The following OLAH variants were observed in gnomAD, a reference collection of about 807,000 sequenced individuals.
OLAH encodes oleoyl-ACP hydrolase.
In OLAH, 33 loss-of-function variants were observed where a neutral mutation model predicts 27.8. The observed-to-expected ratio is 1.19, with a 90% CI of 0.90 to 1.59. OLAH has a LOEUF of 1.59. Ranked by LOEUF, OLAH falls within the 40% of genes most tolerant of loss-of-function variation. OLAH has a pLI of 0.00. For synonymous variants in OLAH, 120 were observed against 102.9 expected (o/e 1.17, Z -1.01); for missense variants, 359 against 310.8 (o/e 1.16, Z -1.17).
intron 4 of OLAH, among the ~76,000 whole-genome samples, chr10:15,064,175 T>C (rs1844421442): frequency 6.6e-6 from 1 of 152,222 alleles, no homozygotes; most frequent in South Asian, 2.1e-4. Flanking sequence ...TTGAAGACAC[T>C]GTGCAAATCA....
intron 3 of OLAH, among the ~76,000 whole-genome samples, chr10:15,059,951 T>A (rs1183364374): frequency 6.6e-6 from 1 of 152,226 alleles, no homozygotes; most frequent in Non-Finnish European, 1.5e-5. Context: ...TCATTGTTTA[T>A]TCTGTTTGAG....
intron 3 of OLAH, chr10:15,056,973 AT>A (rs962719553): frequency 3.6e-5 from 51 of 1,426,786 alleles, no homozygotes; most frequent in Admixed American, 1.1e-4. Flanking sequence ...CTGGATTCTA[AT>A]TTTTTTTAGT....
upstream of OLAH, among the ~76,000 whole-genome samples, chr10:15,041,137 T>G (rs1219605939): frequency 6.6e-6 from 1 of 152,218 alleles, no homozygotes; most frequent in East Asian, 1.9e-4. Flanking sequence ...ACTGTGCTTT[T>G]CCCACAGGCA....
rs1038265199 is a variant in OLAH at position 15,059,991 on chromosome 10, T to A, written c.164-1733T>A. Among the ~76,000 whole-genome samples, 6 of 152,268 alleles carry A rather than the reference T, an allele frequency of 3.9e-5. 1 individual carries two copies. In the East Asian group the frequency reaches 5.8e-4, roughly 15 times the overall value. On this transcript the variant is annotated intron_variant, in intron 3 of 7. Coordinates refer to ENST00000378228, the MANE Select transcript of OLAH (RefSeq NM_001039702.3). ...CTTGAACTTCTTGGATCTACGACTT[T>A]GTAAGTTTCAAATTTTGACATATTC...
chr10:15,032,213 A>G (rs1001477569), upstream of OLAH: 4 of 152,296 alleles, frequency 2.6e-5, no homozygotes, highest in Middle Eastern at 3.4e-3. Context: ...CTAGCCTCCC[A>G]GACTCCATCT....
At chr10:15,033,063 G>T (rs1467760130) in intron 1 of OLAH, among the ~76,000 whole-genome samples, 2 of 150,688 alleles carry the variant, frequency 1.3e-5, no homozygotes, top group Non-Finnish European at 2.9e-5. Context: ...TTAAAGTAGA[G>T]ATGGGGTTTC....
chr10:15,047,145 G>A lies in OLAH; in HGVS notation c.-144G>A. Reference sequence around the variant, plus strand: ...TAACAGGGATTGGAGAGGTCAATAAGAGTCAGCGCCTTTAAAAAGAAATCT... The same window carrying A: ...TAACAGGGATTGGAGAGGTCAATAAAAGTCAGCGCCTTTAAAAAGAAATCT... On this transcript the variant is annotated 5_prime_UTR_variant, in exon 2 of 8. Transcript: ENST00000378228. The A allele has an allele frequency of 1.6e-6, 1 of 641,864 alleles. No homozygotes were observed. 39.8% of individuals were successfully genotyped at this position (641,864 alleles called of 1,614,324 possible).
rs939327191 is a variant in OLAH at position 15,073,432 on chromosome 10, G to A, written c.*203G>A. 1.7e-4 allele frequency: 77 copies of A among 453,776 alleles called. 2 individuals carry two copies. Among genetic ancestry groups the A allele is most frequent in the South Asian group, 8.9e-4 (34 of 38,366 alleles). 28.1% of individuals were successfully genotyped at this position (453,776 alleles called of 1,614,324 possible). On this transcript the variant is annotated 3_prime_UTR_variant, in exon 8 of 8. Coordinates refer to ENST00000378228, the MANE Select transcript of OLAH (RefSeq NM_001039702.3). ...TGGCAGCACTTTGGGAGGCCAAGGC[G>A]GGCGGATCACGAGGTCAGGAGATCG...
intron 3 of OLAH, among the ~76,000 whole-genome samples, chr10:15,052,786 AGGC>A (rs1844171729): frequency 7.8e-6 from 1 of 127,884 alleles, no homozygotes; most frequent in East Asian, 2.3e-4. Context: ...CCCAGGCCCC[AGGC>A]CGGAGTGCAG....
chr10:15,040,904 A>C (rs1843909366), upstream of OLAH, among the ~76,000 whole-genome samples: 1 of 151,678 alleles, frequency 6.6e-6, no homozygotes, highest in African/African-American at 2.4e-5. Flanking sequence ...TCTCTTTTTA[A>C]TTTTCCTCAA....
At chr10:15,058,502 C>T (rs937096075) in intron 3 of OLAH, among the ~76,000 whole-genome samples, 7 of 152,230 alleles carry the variant, frequency 4.6e-5, no homozygotes, top group Admixed American at 3.9e-4. Context: ...TCTCTCTTGA[C>T]CTTTGTGCTA....
At chr10:15,048,572 T>A (rs370381341) in intron 2 of OLAH, among the ~76,000 whole-genome samples, 48 of 152,322 alleles carry the variant, frequency 3.2e-4, no homozygotes, top group African/African-American at 9.9e-4. Flanking sequence ...AAGTCAAAAT[T>A]ATATGCTCTA....
Position 15,035,054 on chromosome 10 carries a change from C to T in OLAH, c.-164+2704C>T, listed in dbSNP as rs566986064. ...TGACGTCGTGATCCGCCCACCTCGG[C>T]CTCCCAAAGTGCTGGGATTACAGGC... On this transcript the variant is annotated intron_variant, in intron 1 of 3. Transcript: ENST00000413672. 3.2e-4 allele frequency among the ~76,000 whole-genome samples: 48 copies of T among 152,218 alleles called. No individual in the cohort carries two copies. In the South Asian group the frequency reaches 1.0e-2, roughly 32 times the overall value.
chr10:15,070,263 C>G (rs1844557569), intron 6 of OLAH, among the ~76,000 whole-genome samples: 1 of 151,820 alleles, frequency 6.6e-6, no homozygotes, highest in Admixed American at 6.6e-5. Flanking sequence ...TCACTTGGGC[C>G]TATCACATAC....
intron 2 of OLAH, among the ~76,000 whole-genome samples, chr10:15,048,292 A>G (rs1230055376): frequency 1.3e-5 from 2 of 152,050 alleles, no homozygotes; most frequent in Non-Finnish European, 1.5e-5. Flanking sequence ...ATCTCGGCTC[A>G]CTGCAACCCC....
At chr10:15,045,394 A>G (rs978412891) in intron 1 of OLAH, among the ~76,000 whole-genome samples, 1 of 152,138 alleles carries the variant, frequency 6.6e-6, no homozygotes, top group African/African-American at 2.4e-5. Flanking sequence ...CTGACTGCCT[A>G]TTTTTCTTGG....
At chr10:15,071,923 G>C (rs1200067533) in intron 7 of OLAH, 46 bp downstream of exon 7, 1 of 1,451,250 alleles carries the variant, frequency 6.9e-7, no homozygotes, top group Non-Finnish European at 9.6e-7. Context: ...ATATATGTTT[G>C]ATGGCTTTAA....
At chr10:15,052,729 C>CTTTTTTT (rs1366770171) in intron 3 of OLAH, among the ~76,000 whole-genome samples, 1 of 130,870 alleles carries the variant, frequency 7.6e-6, no homozygotes, top group African/African-American at 2.8e-5. Flanking sequence ...GAGGGCTTTT[C>CTTTTTTT]TTTTTTTTTT....
Position 15,071,894 on chromosome 10 carries a change from T to A in OLAH, c.655+17T>A, listed in dbSNP as rs757123117. 1.9e-6 allele frequency: 3 copies of A among 1,572,390 alleles called. No individual in the cohort carries two copies. The highest frequency in any genetic ancestry group is 4.5e-5 in the East Asian group (2 of 44,668). On this transcript the variant is annotated intron_variant, in intron 7 of 7. Coordinates refer to ENST00000378228, the MANE Select transcript of OLAH (RefSeq NM_001039702.3). ...ACATGGAAGGTGAAATTATTTTTAG[T>A]CTCGAGTATTGTATTGAAATATATG...
Sources: gnomAD v4.1 joint callset for allele counts (sites outside exome capture counted in the v4.1 genomes callset) on GRCh38, gnomAD v4.1.1 for gene constraint, MANE v1.5 for transcripts, NCBI Gene and HGNC (gene_info 2026-07-23, HGNC 2026-07-21) for gene names.